The following ROBO2 variants were observed in gnomAD, a reference collection of about 807,000 sequenced individuals.
The protein encoded by ROBO2 is roundabout homolog 2.
A neutral mutation model predicts 160.8 loss-of-function variants in ROBO2; 53 were observed. That is an observed-to-expected ratio of 0.33 (90% CI 0.26 to 0.41). The LOEUF (loss-of-function observed/expected upper bound fraction) is 0.41, where lower values mean the gene tolerates loss of function less well. ROBO2 is among the 10% of genes least tolerant of loss of function. ROBO2 has a pLI of 1.00. For missense variants in ROBO2, 1,577 were observed against 1,722.4 expected (o/e 0.92, Z 1.49); for synonymous variants, 664 against 611.7 (o/e 1.09, Z -1.26).
At chr3:77,539,053 G>T (rs1249553083) in intron 6 of ROBO2, among the ~76,000 whole-genome samples, 1 of 152,094 alleles carries the variant, frequency 6.6e-6, no homozygotes, top group Non-Finnish European at 1.5e-5. Context: ...GAGGAGCCGG[G>T]ATTACAGGCG....
intron 2 of ROBO2, among the ~76,000 whole-genome samples, chr3:77,214,985 C>T (rs1041037353): frequency 3.9e-5 from 6 of 151,980 alleles, no homozygotes; most frequent in East Asian, 1.9e-4. Context: ...GTGGGTAACC[C>T]GACCTTTCTC....
intron 2 of ROBO2, among the ~76,000 whole-genome samples, chr3:77,137,748 T>C (rs2150399605): frequency 6.6e-6 from 1 of 152,330 alleles, no homozygotes; most frequent in Admixed American, 6.5e-5. Context: ...GACGACTGCC[T>C]GCCTGTAAGA....
intron 2 of ROBO2, among the ~76,000 whole-genome samples, chr3:76,850,678 G>A (rs62261827): frequency 0.12 from 18,850 of 152,040 alleles, 1,335 homozygotes; most frequent in East Asian, 0.24. Flanking sequence ...AAAGACACCA[G>A]CTGTATTTGA....
chr3:76,679,258 A>G (rs370795426), intron 2 of ROBO2, among the ~76,000 whole-genome samples: 2 of 152,204 alleles, frequency 1.3e-5, no homozygotes, highest in African/African-American at 4.8e-5. Flanking sequence ...AACTTAAGAA[A>G]TAAAGAAAAA....
chr3:77,313,322 G>A (rs1231392962), intron 2 of ROBO2, among the ~76,000 whole-genome samples: 6 of 151,994 alleles, frequency 3.9e-5, no homozygotes, highest in African/African-American at 9.7e-5. Context: ...ATCATATCAG[G>A]GTAATTAGCA....
chr3:77,301,803 G>A (rs1357950193), intron 2 of ROBO2, among the ~76,000 whole-genome samples: 2 of 151,848 alleles, frequency 1.3e-5, no homozygotes, highest in Non-Finnish European at 2.9e-5. Flanking sequence ...TCACTCTGGG[G>A]TTAAGCTCCC....
intron 9 of ROBO2, among the ~76,000 whole-genome samples, chr3:77,561,093 G>A (rs2093307598): frequency 6.6e-6 from 1 of 152,116 alleles, no homozygotes. Context: ...AGAATGTCAT[G>A]CCAGAGCAAT....
chr3:77,156,695 A>G (rs895704728), intron 2 of ROBO2, among the ~76,000 whole-genome samples: 6 of 151,074 alleles, frequency 4.0e-5, no homozygotes, highest in Non-Finnish European at 8.9e-5. Context: ...TAATTTTAAC[A>G]AATTTCTGCT....
chr3:76,859,567 C>T (rs143244552), intron 2 of ROBO2, among the ~76,000 whole-genome samples: 21 of 152,320 alleles, frequency 1.4e-4, no homozygotes, highest in Non-Finnish European at 2.4e-4. Flanking sequence ...GTTGTCACGT[C>T]TTCCTTTCTG....
chr3:77,324,212 T>G (rs533885247), intron 2 of ROBO2, among the ~76,000 whole-genome samples: 19 of 152,280 alleles, frequency 1.2e-4, no homozygotes, highest in Admixed American at 7.8e-4. Flanking sequence ...ATCCAGTTAC[T>G]GCAGTATGTT....
intron 1 of ROBO2, among the ~76,000 whole-genome samples, chr3:77,056,283 C>T (rs2065733917): frequency 1.3e-5 from 2 of 152,074 alleles, no homozygotes; most frequent in African/African-American, 2.4e-5. Flanking sequence ...AAAAACTTGT[C>T]CCCCAACCAC....
intron 2 of ROBO2, among the ~76,000 whole-genome samples, chr3:76,787,458 C>T (rs968211389): frequency 6.6e-6 from 1 of 151,058 alleles, no homozygotes; most frequent in Non-Finnish European, 1.5e-5. Context: ...CTTATTCTCA[C>T]TAGAGGGCAA....
intron 2 of ROBO2, among the ~76,000 whole-genome samples, chr3:76,427,161 T>G (rs1398004081): frequency 2.0e-5 from 3 of 152,108 alleles, no homozygotes; most frequent in Non-Finnish European, 4.4e-5. Flanking sequence ...TACATGATTC[T>G]CTTATTAGGT....
At chr3:77,325,706 C>A (rs1299324288) in intron 2 of ROBO2, among the ~76,000 whole-genome samples, 7 of 152,178 alleles carry the variant, frequency 4.6e-5, no homozygotes, top group Non-Finnish European at 1.0e-4. Flanking sequence ...GTTAAGTAAT[C>A]TTTTGTTTAA....
intron 2 of ROBO2, among the ~76,000 whole-genome samples, chr3:76,612,779 C>T (rs1001450232): frequency 2.0e-5 from 3 of 152,100 alleles, no homozygotes; most frequent in Non-Finnish European, 2.9e-5. Flanking sequence ...AATACATATT[C>T]ACAACTGTTA....
At chr3:76,119,910 C>CTTCCT (rs1179296449) in intron 2 of ROBO2, among the ~76,000 whole-genome samples, 8 of 96,122 alleles carry the variant, frequency 8.3e-5, no homozygotes, top group African/African-American at 2.3e-4. Context: ...CCTTCCTTCC[C>CTTCCT]TCCCTCCCTT....
intron 17 of ROBO2, among the ~76,000 whole-genome samples, chr3:77,590,785 C>T (rs2094161968): frequency 6.6e-6 from 1 of 151,976 alleles, no homozygotes; most frequent in Admixed American, 6.6e-5. Flanking sequence ...ACCAGAGAGA[C>T]TTTTCTTCTT....
chr3:76,834,124 C>A (rs1156408393), intron 2 of ROBO2, among the ~76,000 whole-genome samples: 1 of 77,328 alleles, frequency 1.3e-5, no homozygotes, highest in Non-Finnish European at 2.5e-5. Context: ...CTCTCTGTCT[C>A]TCCTTCCTTC....
intron 2 of ROBO2, among the ~76,000 whole-genome samples, chr3:76,140,905 G>A (rs972203649): frequency 6.8e-5 from 10 of 147,008 alleles, no homozygotes; most frequent in African/African-American, 1.8e-4. Context: ...GCACTGAAAC[G>A]GAAACAATGA....
Sources: gnomAD v4.1 joint callset for allele counts (sites outside exome capture counted in the v4.1 genomes callset) on GRCh38, gnomAD v4.1.1 for gene constraint, MANE v1.5 for transcripts, NCBI Gene and HGNC (gene_info 2026-07-23, HGNC 2026-07-21) for gene names.